EIF4B: variants seen among roughly 807,000 people sequenced by gnomAD.
EIF4B encodes the protein eukaryotic translation initiation factor 4B.
Under a neutral mutation model 79.3 loss-of-function variants are expected in EIF4B, and 8 were observed. The observed-to-expected ratio is 0.10, with a 90% CI of 0.06 to 0.18. EIF4B has a LOEUF of 0.18. Among genes scored for constraint, EIF4B ranks in the 10% least tolerant of loss-of-function variants. EIF4B has a pLI of 1.00. For synonymous variants in EIF4B, 238 were observed against 274.7 expected, an observed-to-expected ratio of 0.87 and a Z score of 1.32; for missense variants, 515 against 792.4, an observed-to-expected ratio of 0.65 and a Z score of 4.20.
In EIF4B at chr12:53,034,610, A is replaced by G; in HGVS notation, c.1209-2A>G. 1 of 1,614,008 alleles carries G rather than the reference A, an allele frequency of 6.2e-7. No homozygotes were observed. Among genetic ancestry groups the G allele is most frequent in the Non-Finnish European group, 8.5e-7 (1 of 1,179,876 alleles). The stretch of plus-strand genomic sequence containing the variant: ...TGTGTATTTTGTGAATCTCTCGTAC[A>G]GACACCCAAGCTGGCGAAGTGAAGA... On this transcript the variant is annotated splice_acceptor_variant, in intron 9 of 14. Transcript: ENST00000262056. LOFTEE classifies it high-confidence loss of function.
intron 5 of EIF4B, chr12:53,022,107 C>G (rs1943255054): frequency 3.1e-6 from 2 of 636,282 alleles, no homozygotes; most frequent in African/African-American, 3.6e-5. Context: ...TAGGACAGTC[C>G]CCATCAACAA....
chr12:53,021,964 A>G (rs1366667093), intron 5 of EIF4B, 104 bp downstream of exon 5: 3 of 1,345,206 alleles, frequency 2.2e-6, no homozygotes, highest in Non-Finnish European at 2.1e-6. Flanking sequence ...GCCTGCCTGA[A>G]TCTACAGTAA....
intron 4 of EIF4B, among the ~76,000 whole-genome samples, chr12:53,021,496 G>A (rs1321456928): frequency 6.6e-6 from 1 of 152,180 alleles, no homozygotes; most frequent in East Asian, 1.9e-4. Context: ...CTAGTTATGT[G>A]AGAATTATTT....
chr12:53,021,754 G>T, intron 4 of EIF4B, 52 bp from the exon 5 acceptor site: 1 of 1,607,422 alleles, frequency 6.2e-7, no homozygotes, highest in Non-Finnish European at 8.5e-7. Flanking sequence ...TCACTCAAGG[G>T]ATTTGTGCAT....
At position 53,019,562 on chromosome 12, in the gene EIF4B, C is replaced by T. The variant is rs1943213756; in HGVS notation, c.361-348C>T. Among the ~76,000 whole-genome samples the T allele has an allele frequency of 2.2e-5, 3 of 136,340 alleles. No homozygotes were observed. The South Asian group carries it at 7.1e-4, about 32-fold the overall frequency. The allele number at this position is 136,340 out of a possible 152,430, so 89.4% of individuals were successfully genotyped here. On this transcript the variant is annotated intron_variant, in intron 3 of 14. Coordinates refer to ENST00000262056, the MANE Select transcript of EIF4B (RefSeq NM_001417.7). ...TTTGTATTTAGTAGAGATAGGGTTGCACTATGTTGGTCAGGCTGGTCTTGA... is the reference window on the plus strand; with the variant it reads ...TTTGTATTTAGTAGAGATAGGGTTGTACTATGTTGGTCAGGCTGGTCTTGA...
At chr12:53,014,078 C>T (rs1199292161) in intron 1 of EIF4B, among the ~76,000 whole-genome samples, 2 of 151,896 alleles carry the variant, frequency 1.3e-5, no homozygotes, top group Admixed American at 1.3e-4. Context: ...GGGAGAATTG[C>T]TTGAGCCCAA....
intron 6 of EIF4B, among the ~76,000 whole-genome samples, chr12:53,027,123 CAA>C (rs1001491962): frequency 3.5e-4 from 28 of 80,530 alleles, no homozygotes; most frequent in East Asian, 1.9e-3. Context: ...GACTGTCTCT[CAA>C]AAAAAAAAAA....
At chr12:53,038,981 A>G (rs997272993) in intron 12 of EIF4B, 4 of 366,178 alleles carry the variant, frequency 1.1e-5, no homozygotes, top group Non-Finnish European at 2.0e-5. Flanking sequence ...GAGCGTCATA[A>G]TCTTTATTTC....
rs572405331 is a variant in EIF4B, at chr12:53,023,840, C to A, written c.667+1213C>A. The stretch of plus-strand genomic sequence containing the variant: ...TCAGGTGATCCTCCTGCTTCAGCCT[C>A]CCAAAGTGCTGGGATTACAGGCATG... On this transcript the variant is annotated intron_variant, in intron 6 of 14. Transcript: ENST00000262056. 2.0e-5 allele frequency among the ~76,000 whole-genome samples: 3 copies of A among 152,124 alleles called. No individual in the cohort carries two copies. In the South Asian group the frequency reaches 6.2e-4, roughly 32 times the overall value.
At chr12:53,022,701 A>T in intron 6 of EIF4B, 74 bp downstream of exon 6, 1 of 1,523,688 alleles carries the variant, frequency 6.6e-7, no homozygotes. Context: ...AATGTGTTAC[A>T]GATGATCAGA....
At chr12:53,022,109 C>T in intron 5 of EIF4B, 1 of 637,290 alleles carries the variant, frequency 1.6e-6, no homozygotes. Flanking sequence ...GGACAGTCCC[C>T]ATCAACAAAG....
At chr12:53,021,903 G>A (rs756326381) in intron 5 of EIF4B, 43 bp downstream of exon 5, 32 of 1,612,144 alleles carry the variant, frequency 2.0e-5, no homozygotes, top group Non-Finnish European at 2.5e-5. Flanking sequence ...ATGGTCCCAG[G>A]ATGACACCAA....
intron 1 of EIF4B, among the ~76,000 whole-genome samples, chr12:53,007,151 G>A (rs1942979389): frequency 6.6e-6 from 1 of 152,154 alleles, no homozygotes. Flanking sequence ...CCTTTCTAGA[G>A]TGTGGGCCCT....
At chr12:53,026,841 A>T (rs4346044) in intron 6 of EIF4B, among the ~76,000 whole-genome samples, 120,911 of 152,114 alleles carry the variant, frequency 0.79, 50,547 homozygotes, top group Non-Finnish European at 0.93. Context: ...GAGCTCAGGC[A>T]ATCCACCAAC....
chr12:53,009,050 A>G (rs1943018305), intron 1 of EIF4B, among the ~76,000 whole-genome samples: 1 of 152,150 alleles, frequency 6.6e-6, no homozygotes, highest in Non-Finnish European at 1.5e-5. Flanking sequence ...AAAATCTTAA[A>G]AATACGAAGT....
rs528674241 is a variant in EIF4B at position 53,039,512 on chromosome 12, A to ATG, written c.1683-118_1683-117insTG. 4.4e-4 allele frequency: 569 copies of ATG among 1,299,380 alleles called. 3 individuals carry two copies. In the African/African-American group the frequency reaches 7.7e-3, roughly 18 times the overall value. The allele number at this position is 1,299,380 out of a possible 1,614,324, so 80.5% of individuals were successfully genotyped here. A position where few individuals can be genotyped will look rare whatever the true frequency, so the allele number is the denominator to read the frequency against. On this transcript the variant is annotated intron_variant, in intron 13 of 14. Coordinates refer to ENST00000262056, the MANE Select transcript of EIF4B (RefSeq NM_001417.7). Reference sequence around the variant, plus strand: ...AATCTAGAAGTAATACATCATCCAGACAACAAGGACTGTTGACTAGAGGTG... The same window carrying ATG: ...AATCTAGAAGTAATACATCATCCAGATGCAACAAGGACTGTTGACTAGAGGTG...
intron 4 of EIF4B, 113 bp from the exon 5 acceptor site, chr12:53,021,693 T>C: frequency 2.4e-6 from 3 of 1,237,854 alleles, no homozygotes; most frequent in Non-Finnish European, 3.6e-6. Flanking sequence ...TTACAGTGTT[T>C]TCCTTTATCT....
intron 1 of EIF4B, among the ~76,000 whole-genome samples, chr12:53,010,951 T>TA (rs1592212738): frequency 6.6e-6 from 1 of 152,184 alleles, no homozygotes; most frequent in African/African-American, 2.4e-5. Flanking sequence ...TTGTATACCA[T>TA]AAAATTTACA....
At chr12:53,010,836 G>C (rs1374518304) in intron 1 of EIF4B, among the ~76,000 whole-genome samples, 2 of 152,112 alleles carry the variant, frequency 1.3e-5, no homozygotes, top group Non-Finnish European at 2.9e-5. Flanking sequence ...GCCTCCCGGA[G>C]TACTGGGATT....
Sources: gnomAD v4.1 joint callset for allele counts (sites outside exome capture counted in the v4.1 genomes callset) on GRCh38, gnomAD v4.1.1 for gene constraint, MANE v1.5 for transcripts, NCBI Gene and HGNC (gene_info 2026-07-23, HGNC 2026-07-21) for gene names.